LRRC7: variants seen among roughly 807,000 people sequenced by gnomAD.
LRRC7 encodes leucine rich repeat containing 7, also known as leucine-rich repeat-containing protein 7.
LRRC7 carries 23 observed loss-of-function variants against 175.7 expected under a neutral mutation model. The ratio of observed to expected loss-of-function variants is 0.13; its 90% CI spans 0.09 to 0.19. The LOEUF is 0.19. Among genes scored for constraint, LRRC7 ranks in the 10% least tolerant of loss-of-function variants. The probability of loss-of-function intolerance (pLI) is 1.00; values close to 1 mark genes in which losing one functional copy is unlikely to be tolerated. For synonymous variants in LRRC7, 685 were observed against 680.9 expected, an observed-to-expected ratio of 1.01 and a Z score of -0.09; for missense variants, 1,354 against 1,904.7, an observed-to-expected ratio of 0.71 and a Z score of 5.38.
chr1:69,569,925 A>G (rs1173850845), intron 1 of LRRC7, among the ~76,000 whole-genome samples: 3 of 151,446 alleles, frequency 2.0e-5, no homozygotes, highest in African/African-American at 4.8e-5. Context: ...AAAAAAAAAA[A>G]AAAGCGATGG....
intron 5 of LRRC7, among the ~76,000 whole-genome samples, chr1:69,829,227 A>G (rs1291832991): frequency 6.6e-6 from 1 of 151,900 alleles, no homozygotes; most frequent in Non-Finnish European, 1.5e-5. Flanking sequence ...GGTCACATGA[A>G]AATAATTTGA....
At chr1:69,797,218 G>C (rs1169468271) in intron 4 of LRRC7, among the ~76,000 whole-genome samples, 1 of 152,140 alleles carries the variant, frequency 6.6e-6, no homozygotes, top group South Asian at 2.1e-4. Flanking sequence ...AGATAGAAAT[G>C]ACACTCCGAT....
At chr1:69,961,010 G>C (rs1339808981) in intron 8 of LRRC7, among the ~76,000 whole-genome samples, 1 of 152,086 alleles carries the variant, frequency 6.6e-6, no homozygotes, top group East Asian at 1.9e-4. Flanking sequence ...AGAAATAAAG[G>C]GCATTCAAAT....
chr1:70,029,602 C>G (rs1390279001), intron 18 of LRRC7, among the ~76,000 whole-genome samples: 1 of 152,082 alleles, frequency 6.6e-6, no homozygotes, highest in Non-Finnish European at 1.5e-5. Flanking sequence ...AAGCAACAGA[C>G]TGTTCTTTTA....
intron 2 of LRRC7, among the ~76,000 whole-genome samples, chr1:69,706,038 G>A (rs1796956): frequency 0.44 from 66,606 of 151,876 alleles, 14,835 homozygotes; most frequent in Admixed American, 0.5. Context: ...TCTTCTTTTC[G>A]TAATTTCTTT....
rs186547140 is a variant in LRRC7, at chr1:70,142,374, T to A, written c.*20487T>A. ...ACTTCGGCTTTATAATGTTTGGGCA[T>A]TTCTCTTTAACATCCTCAAATACAC... On this transcript the variant is annotated 3_prime_UTR_variant, in exon 27 of 27. Coordinates refer to ENST00000651989, the MANE Select transcript of LRRC7 (RefSeq NM_001370785.2). The A allele has an allele frequency of 6.6e-6, 1 of 152,270 alleles. No individual in the cohort carries two copies. The highest frequency in any genetic ancestry group is 6.5e-5 in the Admixed American group (1 of 15,290). The allele number at this position is 152,270 out of a possible 1,614,324, so 9.4% of individuals were successfully genotyped here.
At chr1:69,687,333 A>G (rs552296838) in intron 2 of LRRC7, among the ~76,000 whole-genome samples, 18 of 152,058 alleles carry the variant, frequency 1.2e-4, no homozygotes, top group Admixed American at 3.3e-4. Context: ...AGATGGCGAA[A>G]CCCTGTATCT....
intron 2 of LRRC7, among the ~76,000 whole-genome samples, chr1:69,719,348 T>C (rs138450347): frequency 6.6e-6 from 1 of 151,844 alleles, no homozygotes; most frequent in Non-Finnish European, 1.5e-5. Flanking sequence ...GAATCAGTTC[T>C]TTCCTCTCTT....
chr1:69,873,041 A>G lies in LRRC7; in HGVS notation c.647+34758A>G, dbSNP rs1685706797. Among the ~76,000 whole-genome samples, 5 of 152,106 alleles carry G rather than the reference A, an allele frequency of 3.3e-5. No homozygotes were observed. In the South Asian group the frequency reaches 1.0e-3, roughly 31 times the overall value. ...TTCATAGTAAAATATCAATGTGTCC[A>G]TTTCTATTATGCCTTAAACAGTATG... On this transcript the variant is annotated intron_variant, in intron 7 of 26. Transcript: ENST00000651989.
chr1:70,047,797 T>C (rs1350630986), intron 22 of LRRC7, among the ~76,000 whole-genome samples: 3 of 151,968 alleles, frequency 2.0e-5, no homozygotes, highest in African/African-American at 7.2e-5. Flanking sequence ...ATTAAGAAAA[T>C]GCCAACAAAT....
intron 7 of LRRC7, among the ~76,000 whole-genome samples, chr1:69,891,661 G>A (rs568143584): frequency 6.6e-6 from 1 of 152,162 alleles, no homozygotes; most frequent in African/African-American, 2.4e-5. Flanking sequence ...GAACCCAGGA[G>A]GTGGAAGTTG....
At chr1:70,060,151 C>G (rs1196650178) in intron 23 of LRRC7, among the ~76,000 whole-genome samples, 3 of 152,014 alleles carry the variant, frequency 2.0e-5, no homozygotes, top group Non-Finnish European at 4.4e-5. Context: ...AACCCTGTCT[C>G]TACTTTAAAA....
chr1:70,083,011 C>T (rs1453684563), intron 24 of LRRC7, among the ~76,000 whole-genome samples: 1 of 151,742 alleles, frequency 6.6e-6, no homozygotes, highest in Non-Finnish European at 1.5e-5. Flanking sequence ...TCTCGAACTC[C>T]TGGGCTCAAG....
At chr1:69,698,623 T>C (rs1188936593) in intron 2 of LRRC7, among the ~76,000 whole-genome samples, 1 of 152,220 alleles carries the variant, frequency 6.6e-6, no homozygotes, top group East Asian at 1.9e-4. Flanking sequence ...GCATTCTCCT[T>C]CTATTCTAGA....
intron 4 of LRRC7, among the ~76,000 whole-genome samples, chr1:69,806,117 A>G (rs893204605): frequency 1.3e-5 from 2 of 151,974 alleles, no homozygotes; most frequent in African/African-American, 4.8e-5. Flanking sequence ...CCTTGAAAAC[A>G]AGAATGAACG....
At chr1:69,818,963 CT>C (rs1333946193) in intron 4 of LRRC7, among the ~76,000 whole-genome samples, 3 of 151,898 alleles carry the variant, frequency 2.0e-5, no homozygotes, top group Non-Finnish European at 4.4e-5. Context: ...TCTGATTCTA[CT>C]TATTTAAGTA....
At chr1:69,785,056 G>A (rs901247985) in intron 3 of LRRC7, among the ~76,000 whole-genome samples, 8 of 152,042 alleles carry the variant, frequency 5.3e-5, no homozygotes, top group African/African-American at 1.9e-4. Flanking sequence ...TATGTGTCCT[G>A]TAGAACAAGC....
intron 7 of LRRC7, among the ~76,000 whole-genome samples, chr1:69,859,726 TA>T (rs1401620966): frequency 6.6e-6 from 1 of 151,974 alleles, no homozygotes; most frequent in Non-Finnish European, 1.5e-5. Flanking sequence ...TGTTAAGAGC[TA>T]ACAAAGTTGA....
rs192483102 is a variant in LRRC7, at chr1:69,976,613, T to A, written c.712-3766T>A. Among the ~76,000 whole-genome samples, 91 of 152,336 alleles carry A rather than the reference T, an allele frequency of 6.0e-4. 1 individual carries two copies. The South Asian group carries it at 8.1e-3, about 14-fold the overall frequency. On this transcript the variant is annotated intron_variant, in intron 8 of 26. Coordinates refer to ENST00000651989, the MANE Select transcript of LRRC7 (RefSeq NM_001370785.2). The stretch of plus-strand genomic sequence containing the variant: ...CCTACTGTTTTTAAAATGGAGTGGG[T>A]ATCCTCGATCTCTTATTTCACTGGA...
Sources: gnomAD v4.1 joint callset for allele counts (sites outside exome capture counted in the v4.1 genomes callset) on GRCh38, gnomAD v4.1.1 for gene constraint, MANE v1.5 for transcripts, NCBI Gene and HGNC (gene_info 2026-07-23, HGNC 2026-07-21) for gene names.